Variants in IL1RAPL1 observed in about 807,000 individuals in gnomAD.
IL1RAPL1 encodes the protein interleukin-1 receptor accessory protein-like 1.
A neutral mutation model predicts 48.4 loss-of-function variants in IL1RAPL1; 3 were observed. The ratio of observed to expected loss-of-function variants is 0.06; its 90% CI spans 0.03 to 0.16. The LOEUF (loss-of-function observed/expected upper bound fraction) is 0.16. Ranked by LOEUF, IL1RAPL1 falls within the 10% of genes least tolerant of loss-of-function variation. The probability of loss-of-function intolerance (pLI) is 1.00; values close to 1 mark genes in which losing one functional copy is unlikely to be tolerated. For missense variants in IL1RAPL1, 349 were observed against 530.6 expected (o/e 0.66, Z 3.36); for synonymous variants, 185 against 187.7 (o/e 0.99, Z 0.12).
chrX:29,573,820 T>C (rs968075603), intron 5 of IL1RAPL1, among the ~76,000 whole-genome samples: 1 of 111,964 alleles, frequency 8.9e-6, no homozygotes, highest in African/African-American at 3.2e-5. Context: ...TCCTAGAAAC[T>C]AGTTAAATGG....
At chrX:29,150,500 C>G (rs1263193341) in intron 2 of IL1RAPL1, among the ~76,000 whole-genome samples, 3 of 111,512 alleles carry the variant, frequency 2.7e-5, no homozygotes, top group Non-Finnish European at 5.6e-5. Context: ...ACAAGGGGAA[C>G]CATGACCCCA....
intron 5 of IL1RAPL1, among the ~76,000 whole-genome samples, chrX:29,641,136 G>A (rs1049304215): frequency 5.4e-5 from 6 of 111,825 alleles, no homozygotes; most frequent in Admixed American, 9.4e-5. Flanking sequence ...GCGCCACTGC[G>A]CTCCAGCCTG....
chrX:29,349,850 T>C (rs1179112186), intron 3 of IL1RAPL1, among the ~76,000 whole-genome samples: 1 of 109,053 alleles, frequency 9.2e-6, no homozygotes, highest in Non-Finnish European at 1.9e-5. Context: ...TCATGCCCTC[T>C]TTTGCTTGCT....
At chrX:29,306,661 G>A (rs1455288523) in intron 3 of IL1RAPL1, among the ~76,000 whole-genome samples, 2 of 105,167 alleles carry the variant, frequency 1.9e-5, no homozygotes, top group South Asian at 4.4e-4. Flanking sequence ...AGGCGTTCAC[G>A]ACCAGCCTGG....
chrX:28,620,893 C>T, intron 1 of IL1RAPL1, among the ~76,000 whole-genome samples: 1 of 112,023 alleles, frequency 8.9e-6, no homozygotes, highest in African/African-American at 3.2e-5. Flanking sequence ...TTGTATATCA[C>T]TCTCCTCTTT....
intron 2 of IL1RAPL1, among the ~76,000 whole-genome samples, chrX:28,988,659 T>C (rs1925532948): frequency 8.9e-6 from 1 of 112,353 alleles, no homozygotes; most frequent in Non-Finnish European, 1.9e-5. Context: ...TGATGAGCTG[T>C]ATTTTTAGTC....
At chrX:29,569,733 C>T (rs902445913) in intron 5 of IL1RAPL1, among the ~76,000 whole-genome samples, 5 of 111,184 alleles carry the variant, frequency 4.5e-5, no homozygotes, top group African/African-American at 1.3e-4. Context: ...TACTTATGGT[C>T]GCGTTAAAAT....
intron 6 of IL1RAPL1, among the ~76,000 whole-genome samples, chrX:29,675,554 G>A (rs1374217939): frequency 8.9e-6 from 1 of 112,120 alleles, no homozygotes; most frequent in Non-Finnish European, 1.9e-5. Flanking sequence ...GGAGGTGGAG[G>A]GGGTCTGGAA....
chrX:28,673,097 T>C (rs1934963150), intron 1 of IL1RAPL1, among the ~76,000 whole-genome samples: 1 of 111,583 alleles, frequency 9.0e-6, no homozygotes, highest in Non-Finnish European at 1.9e-5. Context: ...GATAATGGCC[T>C]CCTGCTCCAT....
At chrX:29,021,040 A>G (rs1413765061) in intron 2 of IL1RAPL1, among the ~76,000 whole-genome samples, 1 of 109,495 alleles carries the variant, frequency 9.1e-6, no homozygotes, top group Admixed American at 9.7e-5. Flanking sequence ...CCTGGCCAAC[A>G]TGGTGAAACC....
At chrX:28,732,825 C>T (rs975124597) in intron 1 of IL1RAPL1, among the ~76,000 whole-genome samples, 29 of 111,211 alleles carry the variant, frequency 2.6e-4, no homozygotes, top group African/African-American at 8.8e-4. Context: ...GCCGAGTTTG[C>T]GCCACTGCAC....
At chrX:29,867,947 T>C (rs1277647985) in intron 6 of IL1RAPL1, among the ~76,000 whole-genome samples, 1 of 112,429 alleles carries the variant, frequency 8.9e-6, no homozygotes, top group East Asian at 2.8e-4. Context: ...GACAGCTTAT[T>C]TGATTATTGA....
intron 5 of IL1RAPL1, among the ~76,000 whole-genome samples, chrX:29,460,602 ACTC>A (rs1934791704): frequency 9.0e-6 from 1 of 111,565 alleles, no homozygotes; most frequent in Admixed American, 9.6e-5. Flanking sequence ...CATTTGAGCT[ACTC>A]CTCCTTGTAT....
chrX:29,930,333 G>T (rs1426093338), intron 8 of IL1RAPL1, among the ~76,000 whole-genome samples: 1 of 111,826 alleles, frequency 8.9e-6, no homozygotes, highest in Non-Finnish European at 1.9e-5. Flanking sequence ...AGGCTAAAGT[G>T]GTTACCAAGA....
chrX:29,442,757 C>A (rs963377364), intron 5 of IL1RAPL1, among the ~76,000 whole-genome samples: 6 of 109,201 alleles, frequency 5.5e-5, no homozygotes, highest in Middle Eastern at 4.7e-3. Context: ...TCTCAGGAGG[C>A]TGAGGTAGGA....
At chrX:29,920,840 GAA>G (rs796830604) in intron 8 of IL1RAPL1, among the ~76,000 whole-genome samples, 3 of 74,841 alleles carry the variant, frequency 4.0e-5, no homozygotes, top group East Asian at 4.5e-4. Flanking sequence ...AAAGAAAAGA[GAA>G]AAAAAAAAAA....
intron 6 of IL1RAPL1, among the ~76,000 whole-genome samples, chrX:29,901,279 T>C (rs1349423024): frequency 1.8e-5 from 2 of 111,935 alleles, no homozygotes; most frequent in Non-Finnish European, 1.9e-5. Flanking sequence ...GCCACGTGCT[T>C]ACCTAAAATT....
intron 2 of IL1RAPL1, among the ~76,000 whole-genome samples, chrX:29,024,492 C>G (rs946291411): frequency 2.7e-5 from 3 of 111,850 alleles, no homozygotes; most frequent in Non-Finnish European, 3.8e-5. Flanking sequence ...TACTTAACCA[C>G]TCTGTGCCTC....
chrX:29,342,215 A>G (rs921362828), intron 3 of IL1RAPL1, among the ~76,000 whole-genome samples: 2 of 110,401 alleles, frequency 1.8e-5, no homozygotes, highest in Non-Finnish European at 3.8e-5. Context: ...TTTCTGAGGC[A>G]AAAAAGTTAA....
Sources: gnomAD v4.1 joint callset for allele counts (sites outside exome capture counted in the v4.1 genomes callset) on GRCh38, gnomAD v4.1.1 for gene constraint, MANE v1.5 for transcripts, NCBI Gene and HGNC (gene_info 2026-07-23, HGNC 2026-07-21) for gene names.